The following SLC16A8 variants were observed in gnomAD, a reference collection of about 807,000 sequenced individuals.
SLC16A8 encodes monocarboxylate transporter 3.
A neutral mutation model predicts 22.4 loss-of-function variants in SLC16A8; 20 were observed. That is an observed-to-expected ratio of 0.89 (90% CI 0.63 to 1.30). The LOEUF (loss-of-function observed/expected upper bound fraction) is 1.30, where lower values mean the gene tolerates loss of function less well. SLC16A8 is among the 50% of genes most tolerant of loss of function. The probability of loss-of-function intolerance (pLI) is 0.00; values close to 1 mark genes in which losing one functional copy is unlikely to be tolerated. For synonymous variants in SLC16A8, 393 were observed against 358.8 expected (o/e 1.10, Z -1.08); for missense variants, 817 against 740.3 (o/e 1.10, Z -1.20).
chr22:38,080,651 G>A (rs2085900396), intron 5 of SLC16A8, among the ~76,000 whole-genome samples, 189 bp downstream of exon 5: 1 of 152,180 alleles, frequency 6.6e-6, no homozygotes, highest in African/African-American at 2.4e-5. Context: ...CACCTTCCTG[G>A]GCTTTTCTGT....
At chr22:38,078,796 G>T in intron 5 of SLC16A8, 92 bp from the exon 6 acceptor site, 14 of 1,130,132 alleles carry the variant, frequency 1.2e-5, no homozygotes, top group Non-Finnish European at 1.8e-5. Flanking sequence ...TGGTGCCACT[G>T]ACTTGGTGAG....
In SLC16A8 at chr22:38,078,666, A is replaced by G; in HGVS notation, c.1237T>C (p.Phe413Leu). 6.2e-7 allele frequency: 1 copy of G among 1,612,710 alleles called. No homozygotes were observed. Among genetic ancestry groups the G allele is most frequent in the Non-Finnish European group, 8.5e-7 (1 of 1,178,840 alleles). Residue 413 changes from phenylalanine to leucine, a missense_variant, in exon 6 of 6, where the codon TTC becomes CTC. Transcript: ENST00000681075. ...GCCACCTCAGAGCCGGCCAGGTAGA[A>G]GATGATCTCATAGTTCTTCAACACA... is the stretch of plus-strand genomic sequence containing the variant. ...VDVLKNYEII[F>L]YLAGSEVALA...
At chr22:38,079,037 G>A (rs1309986279) in intron 5 of SLC16A8, among the ~76,000 whole-genome samples, 2 of 152,140 alleles carry the variant, frequency 1.3e-5, no homozygotes, top group African/African-American at 4.8e-5. Context: ...GAGCGGGGAG[G>A]GGGCCCTGGG....
In SLC16A8 at chr22:38,082,839, G is replaced by A. The variant is rs752017026; in HGVS notation, c.35C>T (p.Pro12Leu). The A allele has an allele frequency of 2.5e-6, 4 of 1,569,072 alleles. No homozygotes were observed. The Admixed American group carries it at 7.5e-5, about 30-fold the overall frequency. The change falls in exon 3 of 6, where the codon CCC becomes CTC. Residue 12 changes from proline (P) to leucine (L), a missense_variant. Transcript: ENST00000681075. ...CACCCAGCCCCAGCCGCCGTCTGGG[G>A]GGCCCTCGCCCCGCCGGGGGCCGCC... ...GAGGPRRGEG[P>L]PDGGWGWVVL...
intron 1 of SLC16A8, among the ~76,000 whole-genome samples, 154 bp downstream of exon 1, chr22:38,083,834 C>T (rs1340729834): frequency 7.1e-6 from 1 of 141,830 alleles, no homozygotes; most frequent in Non-Finnish European, 1.5e-5. Flanking sequence ...TGGCACTGGG[C>T]AGTGCCACCA....
At position 38,080,998 on chromosome 22, in the gene SLC16A8, A is replaced by C; in HGVS notation, c.1040T>G (p.Val347Gly). 6.3e-7 allele frequency: 1 copy of C among 1,598,738 alleles called. No individual in the cohort carries two copies. Among genetic ancestry groups the C allele is most frequent in the Non-Finnish European group, 8.5e-7 (1 of 1,177,958 alleles). The change falls in exon 5 of 6, where the codon GTC becomes GGC. Residue 347 changes from valine to glycine, a missense_variant. Coordinates refer to ENST00000681075, the MANE Select transcript of SLC16A8 (RefSeq NM_013356.3). ...SARARSYGAL[V>G]AFCVAFGLSY... is the part of the protein sequence containing the mutation. ...GAGGCCGAAGGCGACGCAGAAGGCG[A>C]CGAGGGCGCCGTAGGAGCGCGCGCG...
Position 38,082,859 on chromosome 22 carries a change from G to C in SLC16A8, c.15C>G (p.Gly5=), listed in dbSNP as rs1424531338. 1 of 1,546,790 alleles carries C rather than the reference G, an allele frequency of 6.5e-7. No individual in the cohort carries two copies. Among genetic ancestry groups the C allele is most frequent in the Admixed American group, 2.0e-5 (1 of 50,644 alleles). MGAG[G]PRRGEGPPDG... ...CTGGGGGGCCCTCGCCCCGCCGGGG[G>C]CCGCCAGCGCCCATCGCTGCCTCTG... The change falls in exon 3 of 6, where the codon GGC becomes GGG. Residue 5 remains glycine (G), a synonymous_variant. Coordinates refer to ENST00000681075, the MANE Select transcript of SLC16A8 (RefSeq NM_013356.3).
rs965400443 is a variant in SLC16A8, at chr22:38,081,599, C to G, written c.439G>C (p.Gly147Arg). ...ACGGGGCTGCCCGCCGCCGCCAGCCCGTTGGCCAGAGGCCGCCGCCGCTCG... is the reference window on the plus strand; with the variant it reads ...ACGGGGCTGCCCGCCGCCGCCAGCCGGTTGGCCAGAGGCCGCCGCCGCTCG... ...YFERRRPLAN[G>R]LAAAGSPVFL... is the part of the protein sequence containing the mutation. Residue 147 changes from glycine (G) to arginine (R), a missense_variant, in exon 5 of 6, where the codon GGG becomes CGG. Coordinates refer to ENST00000681075, the MANE Select transcript of SLC16A8 (RefSeq NM_013356.3). The G allele has an allele frequency of 6.6e-7, 1 of 1,518,208 alleles. No homozygotes were observed. The highest frequency in any genetic ancestry group is 2.6e-5 in the East Asian group (1 of 38,012). The allele number at this position is 1,518,208 out of a possible 1,614,324, so 94.0% of individuals were successfully genotyped here. A position where few individuals can be genotyped will look rare whatever the true frequency, so the allele number is the denominator to read the frequency against.
chr22:38,081,038 C>A lies in SLC16A8; in HGVS notation c.1000G>T (p.Asp334Tyr). ...GAGCGCGCGCGTGCGCTGCTCAGGTCTGTGAGCCCATTGGCCAGCAGGGCC... is the reference window on the plus strand; with the variant it reads ...GAGCGCGCGCGTGCGCTGCTCAGGTATGTGAGCCCATTGGCCAGCAGGGCC... The part of the protein sequence containing the change: ...SLALLANGLT[D>Y]LSSARARSYG... The change falls in exon 5 of 6, where the codon GAC becomes TAC. Residue 334 changes from aspartate (D) to tyrosine (Y), a missense_variant. Physicochemically the swap from Asp to Tyr is radical, Grantham distance 160. Coordinates refer to ENST00000681075, the MANE Select transcript of SLC16A8 (RefSeq NM_013356.3). The A allele has an allele frequency of 6.3e-7, 1 of 1,594,110 alleles. No homozygotes were observed. Among genetic ancestry groups the A allele is most frequent in the Non-Finnish European group, 8.5e-7 (1 of 1,176,070 alleles).
rs757263206 is a variant in SLC16A8 at position 38,082,849 on chromosome 22, CCCGCCGGGGG to C, written c.15_24del (p.Pro6AlafsTer31). The C allele has an allele frequency of 1.3e-6, 2 of 1,557,720 alleles. No individual in the cohort carries two copies. Among genetic ancestry groups the C allele is most frequent in the Admixed American group, 3.9e-5 (2 of 51,604 alleles). On this transcript the variant is annotated frameshift_variant, in exon 3 of 6. Coordinates refer to ENST00000681075, the MANE Select transcript of SLC16A8 (RefSeq NM_013356.3). LOFTEE classifies it high-confidence loss of function. ...CAGCCGCCGTCTGGGGGGCCCTCGC[CCCGCCGGGGG>C]CCGCCAGCGCCCATCGCTGCCTCTG...
Position 38,081,392 on chromosome 22 carries a change from C to T in SLC16A8, c.646G>A (p.Ala216Thr). 1.5e-6 allele frequency: 2 copies of T among 1,373,146 alleles called. No individual in the cohort carries two copies. Among genetic ancestry groups the T allele is most frequent in the Non-Finnish European group, 1.9e-6 (2 of 1,068,212 alleles). 85.1% of individuals were successfully genotyped at this position (1,373,146 alleles called of 1,614,324 possible). Residue 216 changes from alanine (A) to threonine (T), a missense_variant, in exon 5 of 6, where the codon GCT (alanine) becomes ACT (threonine). Coordinates refer to ENST00000681075, the MANE Select transcript of SLC16A8 (RefSeq NM_013356.3). ...CCGTCAGCCTCCGCCTCGCCCGGAG[C>T]GTCCCCGGCGCGGTCGCCGGCGCTG... ...RDSAGDRAGD[A>T]PGEAEADGAG...
At position 38,078,708 on chromosome 22, in the gene SLC16A8, GGGA is replaced by G. The variant is rs756065931; in HGVS notation, c.1199-7_1199-5del. On this transcript the variant is annotated splice_polypyrimidine_tract_variant and splice_region_variant and intron_variant, in intron 5 of 5. Coordinates refer to ENST00000681075, the MANE Select transcript of SLC16A8 (RefSeq NM_013356.3). ...TTCAACACATCCACCAGGCGGCCTGGGGAGGAGGAGGAAGAGGAGGGAGAGGTA... is the reference window on the plus strand; with the variant it reads ...TTCAACACATCCACCAGGCGGCCTGGGGAGGAGGAAGAGGAGGGAGAGGTA... 5.0e-6 allele frequency: 8 copies of G among 1,599,700 alleles called. No homozygotes were observed. The highest frequency in any genetic ancestry group is 2.7e-5 in the African/African-American group (2 of 74,678).
Position 38,078,361 on chromosome 22 carries a change from G to A in SLC16A8, c.*27C>T. 6.4e-7 allele frequency: 1 copy of A among 1,566,064 alleles called. No homozygotes were observed. The highest frequency in any genetic ancestry group is 1.7e-5 in the Admixed American group (1 of 57,892). ...CAAGAAGCTGTGTTCCCAAGTCACT[G>A]GGCCACCCCACCCAGAGCACCCTGA... is the stretch of plus-strand genomic sequence containing the variant. On this transcript the variant is annotated 3_prime_UTR_variant, in exon 6 of 6. Transcript: ENST00000681075.
Position 38,081,487 on chromosome 22 carries a change from A to T in SLC16A8, c.551T>A (p.Leu184Gln). Residue 184 changes from leucine to glutamine, a missense_variant, in exon 5 of 6, where the codon CTG becomes CAG. By Grantham distance (113) the Leu-to-Gln change is moderately radical. Coordinates refer to ENST00000681075, the MANE Select transcript of SLC16A8 (RefSeq NM_013356.3). ...AGCCCCGCAGGCGCAGCAGTGCAGC[A>T]GGAGCCCGCCGAGCAGCAGGAAGCC... is the stretch of plus-strand genomic sequence containing the variant. ...RGGFLLLGGL[L>Q]LHCCACGAVM... 7.2e-7 allele frequency: 1 copy of T among 1,397,430 alleles called. No individual in the cohort carries two copies. Among genetic ancestry groups the T allele is most frequent in the Non-Finnish European group, 9.2e-7 (1 of 1,089,272 alleles). 86.6% of individuals were successfully genotyped at this position (1,397,430 alleles called of 1,614,324 possible). A position where few individuals can be genotyped will look rare whatever the true frequency, so the allele number is the denominator to read the frequency against.
chr22:38,081,105 G>A lies in SLC16A8; in HGVS notation c.933C>T (p.Gly311=). 1.3e-6 allele frequency: 2 copies of A among 1,549,200 alleles called. No individual in the cohort carries two copies. Among genetic ancestry groups the A allele is most frequent in the African/African-American group, 2.7e-5 (2 of 73,438 alleles). ...GGACGTGCGGCCGCAGACGCGCCAGGCCCGCCAGGGCGCCGCACGCCGGGC... is the reference window on the plus strand; with the variant it reads ...GGACGTGCGGCCGCAGACGCGCCAGACCCGCCAGGGCGCCGCACGCCGGGC... ...VARPACGALA[G]LARLRPHVPY... Residue 311 remains glycine, a synonymous_variant, in exon 5 of 6, where the codon GGC becomes GGT. Transcript: ENST00000681075.
chr22:38,081,126 C>G lies in SLC16A8; in HGVS notation c.912G>C (p.Pro304=). 1 of 1,543,562 alleles carries G rather than the reference C, an allele frequency of 6.5e-7. No individual in the cohort carries two copies. The highest frequency in any genetic ancestry group is 8.7e-7 in the Non-Finnish European group (1 of 1,145,294). ...IVGFVDIVAR[P]ACGALAGLAR... Reference sequence around the variant, plus strand: ...CCAGGCCCGCCAGGGCGCCGCACGCCGGGCGCGCCACGATGTCCACGAAGC... The same window carrying G: ...CCAGGCCCGCCAGGGCGCCGCACGCGGGGCGCGCCACGATGTCCACGAAGC... Residue 304 remains proline (P), a synonymous_variant, in exon 5 of 6, where the codon CCG becomes CCC. Coordinates refer to ENST00000681075, the MANE Select transcript of SLC16A8 (RefSeq NM_013356.3).
At position 38,082,822 on chromosome 22, in the gene SLC16A8, C is replaced by A. The variant is rs987977659; in HGVS notation, c.52G>T (p.Gly18Cys). 3.8e-6 allele frequency: 6 copies of A among 1,582,578 alleles called. No individual in the cohort carries two copies. The East Asian group carries it at 1.1e-4, about 30-fold the overall frequency. The change falls in exon 3 of 6, where the codon GGC becomes TGC. Residue 18 changes from glycine (G) to cysteine (C), a missense_variant. By Grantham distance (159) the Gly-to-Cys change is radical. Coordinates refer to ENST00000681075, the MANE Select transcript of SLC16A8 (RefSeq NM_013356.3). ...RGEGPPDGGW[G>C]WVVLGACFVV... ...AAGCAGGCGCCCAGCACCACCCAGC[C>A]CCAGCCGCCGTCTGGGGGGCCCTCG... is the stretch of plus-strand genomic sequence containing the variant.
intron 5 of SLC16A8, among the ~76,000 whole-genome samples, chr22:38,079,699 T>C (rs2085890154): frequency 6.6e-6 from 1 of 152,228 alleles, no homozygotes; most frequent in South Asian, 2.1e-4. Context: ...CATGAGCCAC[T>C]ACACCCGACC....
At chr22:38,081,845 C>T (rs1240828443) in intron 4 of SLC16A8, 44 bp downstream of exon 4, 1 of 1,557,986 alleles carries the variant, frequency 6.4e-7, no homozygotes, top group African/African-American at 1.4e-5. Context: ...CAGCAAGAAC[C>T]CCCGACCCCC....
Sources: allele counts gnomAD v4.1 joint callset (sites outside exome capture counted in the v4.1 genomes callset), GRCh38; gene constraint gnomAD v4.1.1; transcripts MANE v1.5; gene names NCBI Gene and HGNC (gene_info 2026-07-23, HGNC 2026-07-21).